Variants in GANC observed in about 807,000 individuals in gnomAD.
The protein encoded by GANC is neutral alpha-glucosidase C.
A neutral mutation model predicts 124.2 loss-of-function variants in GANC; 117 were observed. The ratio of observed to expected loss-of-function variants is 0.94; its 90% CI spans 0.81 to 1.10. GANC has a LOEUF of 1.10. Ranked by LOEUF, GANC falls within the 50% of genes least tolerant of loss-of-function variation. GANC has a pLI of 0.00. For missense variants in GANC, 1,140 were observed against 1,095.0 expected (o/e 1.04, Z -0.58); for synonymous variants, 377 against 376.8 (o/e 1.00, Z -0.01).
intron 1 of GANC, 149 bp downstream of exon 1, chr15:42,274,659 C>T: frequency 2.6e-6 from 2 of 756,320 alleles, no homozygotes; most frequent in South Asian, 3.7e-5. Context: ...ATATTAATAG[C>T]CTCTCATAAA....
At chr15:42,337,159 TTC>T (rs2052289310) in intron 15 of GANC, among the ~76,000 whole-genome samples, 2 of 152,182 alleles carry the variant, frequency 1.3e-5, no homozygotes, top group Non-Finnish European at 2.9e-5. Flanking sequence ...ATACAAATCA[TTC>T]TGTCATAAAG....
intron 15 of GANC, among the ~76,000 whole-genome samples, 169 bp from the exon 16 acceptor site, chr15:42,338,220 G>A (rs372075403): frequency 1.1e-3 from 162 of 152,138 alleles, no homozygotes; most frequent in African/African-American, 3.5e-3. Context: ...AACTTTTCAC[G>A]TTAGAAAATT....
chr15:42,278,256 A>G (rs1045330418), intron 2 of GANC, among the ~76,000 whole-genome samples: 1 of 152,194 alleles, frequency 6.6e-6, no homozygotes, highest in East Asian at 1.9e-4. Context: ...CCTTTGAGCA[A>G]CGTTATAATA....
chr15:42,320,499 A>G (rs1441258775), intron 10 of GANC, among the ~76,000 whole-genome samples: 1 of 152,066 alleles, frequency 6.6e-6, no homozygotes, highest in African/African-American at 2.4e-5. Context: ...CCCAGGCTGG[A>G]GTACAGTGGT....
At chr15:42,334,183 A>G (rs951039470) in intron 15 of GANC, among the ~76,000 whole-genome samples, 3 of 146,394 alleles carry the variant, frequency 2.0e-5, no homozygotes, top group African/African-American at 7.6e-5. Context: ...TTTTTTTGAG[A>G]TGGAGTCTCA....
chr15:42,348,039 T>C, intron 20 of GANC, 64 bp from the exon 21 acceptor site: 2 of 930,632 alleles, frequency 2.1e-6, no homozygotes, highest in Non-Finnish European at 3.2e-6. Flanking sequence ...GAAATATTTT[T>C]AAATTCTACC....
At chr15:42,274,792 C>T (rs1244069710) in intron 1 of GANC, among the ~76,000 whole-genome samples, 1 of 151,880 alleles carries the variant, frequency 6.6e-6, no homozygotes, top group Non-Finnish European at 1.5e-5. Flanking sequence ...CTCCCCGCCC[C>T]CTCGGAGTCC....
chr15:42,353,439 C>T lies in GANC; in HGVS notation c.*1300C>T, dbSNP rs2052477333. The T allele has an allele frequency of 3.2e-6, 3 of 942,512 alleles. No individual in the cohort carries two copies. Among genetic ancestry groups the T allele is most frequent in the African/African-American group, 1.8e-5 (1 of 56,190 alleles). The allele number at this position is 942,512 out of a possible 1,614,324, so 58.4% of individuals were successfully genotyped here. ...CCCATTAGCAGTGATTTTGCCCTTC[C>T]CCGTAATGCTGTCCCACTTATAACT... On this transcript the variant is annotated 3_prime_UTR_variant, in exon 24 of 24. Coordinates refer to ENST00000318010, the MANE Select transcript of GANC (RefSeq NM_198141.3).
At chr15:42,350,513 T>G (rs1424414099) in intron 22 of GANC, among the ~76,000 whole-genome samples, 1 of 151,756 alleles carries the variant, frequency 6.6e-6, no homozygotes, top group African/African-American at 2.4e-5. Flanking sequence ...GAGCCTGATT[T>G]GGCCACCAGT....
chr15:42,324,043 G>A (rs2052181022), intron 11 of GANC, among the ~76,000 whole-genome samples: 1 of 151,752 alleles, frequency 6.6e-6, no homozygotes, highest in South Asian at 2.1e-4. Context: ...TTTGAATAAG[G>A]GGTTAATATC....
intron 5 of GANC, among the ~76,000 whole-genome samples, chr15:42,296,469 C>T (rs1159725159): frequency 6.6e-6 from 1 of 152,160 alleles, no homozygotes; most frequent in Non-Finnish European, 1.5e-5. Context: ...TCACTGCAAC[C>T]TCCGCCTCCC....
At chr15:42,334,697 A>G (rs2052270698) in intron 15 of GANC, among the ~76,000 whole-genome samples, 1 of 152,164 alleles carries the variant, frequency 6.6e-6, no homozygotes, top group South Asian at 2.1e-4. Flanking sequence ...GAATATATAA[A>G]GAACTTTTAC....
chr15:42,353,105 C>T lies in GANC; in HGVS notation c.*966C>T. On this transcript the variant is annotated 3_prime_UTR_variant, in exon 24 of 24. Coordinates refer to ENST00000318010, the MANE Select transcript of GANC (RefSeq NM_198141.3). ...CTGAGTTTTCCTTTTGTCCCAGGCT[C>T]TAATATGGCTTGGCATGGGGCAGAA... 1 of 985,632 alleles carries T rather than the reference C, an allele frequency of 1.0e-6. No homozygotes were observed. Among genetic ancestry groups the T allele is most frequent in the Non-Finnish European group, 1.2e-6 (1 of 829,756 alleles). 61.1% of individuals were successfully genotyped at this position (985,632 alleles called of 1,614,324 possible).
In GANC at chr15:42,287,728, A is replaced by G; in HGVS notation, c.239A>G (p.Asn80Ser). 6.2e-7 allele frequency: 1 copy of G among 1,613,038 alleles called. No homozygotes were observed. The highest frequency in any genetic ancestry group is 8.5e-7 in the Non-Finnish European group (1 of 1,179,370). ...LLAEIYGIEGNIFRLKINEET... is the reference protein window; with the variant it reads ...LLAEIYGIEGSIFRLKINEET... ...GCTGAAATTTATGGTATAGAAGGAA[A>G]CATTTTCAGGCTTAAAATTAATGAA... Residue 80 changes from asparagine to serine, a missense_variant, in exon 4 of 24, where the codon AAC becomes AGC. Coordinates refer to ENST00000318010, the MANE Select transcript of GANC (RefSeq NM_198141.3).
intron 4 of GANC, among the ~76,000 whole-genome samples, chr15:42,290,819 A>G (rs11852596): frequency 0.068 from 10,313 of 152,124 alleles, 535 homozygotes; most frequent in Non-Finnish European, 0.097. Flanking sequence ...AAAAAAATAA[A>G]CAATTTTTTT....
Position 42,273,258 on chromosome 15 carries a change from C to T in GANC, c.-1224C>T, listed in dbSNP as rs1193630967. 10 of 1,613,866 alleles carry T rather than the reference C, an allele frequency of 6.2e-6. No homozygotes were observed. In the Admixed American group the frequency reaches 6.7e-5, roughly 11 times the overall value. ...CGTTAGTGAAGTGAATACTCACCGACGGTATCGGAATGTGCCATTTGGACC... is the reference window on the plus strand; with the variant it reads ...CGTTAGTGAAGTGAATACTCACCGATGGTATCGGAATGTGCCATTTGGACC... On this transcript the variant is annotated 5_prime_UTR_variant, in exon 1 of 24. It adds an upstream start codon to the 5' untranslated region. Transcript: ENST00000318010.
At chr15:42,329,084 A>G (rs931536112) in intron 13 of GANC, among the ~76,000 whole-genome samples, 2 of 152,322 alleles carry the variant, frequency 1.3e-5, no homozygotes, top group East Asian at 1.9e-4. Context: ...GCAAATATTT[A>G]TTGAGATCTG....
intron 3 of GANC, chr15:42,281,051 A>G (rs1295002745): frequency 5.7e-6 from 4 of 702,460 alleles, no homozygotes; most frequent in Non-Finnish European, 1.0e-5. Flanking sequence ...CTGATAAACA[A>G]GGACAAATTA....
chr15:42,311,139 C>A (rs2141045866), intron 10 of GANC, among the ~76,000 whole-genome samples: 2 of 152,310 alleles, frequency 1.3e-5, no homozygotes, highest in Middle Eastern at 6.8e-3. Context: ...ATCCCAACTT[C>A]AACTTTTCTA....
Sources: gnomAD v4.1 joint callset for allele counts (sites outside exome capture counted in the v4.1 genomes callset) on GRCh38, gnomAD v4.1.1 for gene constraint, MANE v1.5 for transcripts, NCBI Gene and HGNC (gene_info 2026-07-23, HGNC 2026-07-21) for gene names.